Variants in NELL1 observed in about 807,000 individuals in gnomAD.
The protein encoded by NELL1 is protein kinase C-binding protein NELL1.
In NELL1, 76 loss-of-function variants were observed where a neutral mutation model predicts 107.4. That is an observed-to-expected ratio of 0.71 (90% confidence interval 0.59 to 0.86). The LOEUF (loss-of-function observed/expected upper bound fraction) is 0.86, where lower values mean the gene tolerates loss of function less well. Among genes scored for constraint, NELL1 ranks in the 40% least tolerant of loss-of-function variants. The probability of loss-of-function intolerance (pLI) is 0.00; values close to 1 mark genes in which losing one functional copy is unlikely to be tolerated. For missense variants in NELL1, 1,024 were observed against 1,005.5 expected, an observed-to-expected ratio of 1.02 and a Z score of -0.25; for synonymous variants, 353 against 341.2, an observed-to-expected ratio of 1.03 and a Z score of -0.38.
intron 15 of NELL1, among the ~76,000 whole-genome samples, chr11:21,521,644 A>C (rs888036783): frequency 6.6e-6 from 1 of 152,176 alleles, no homozygotes; most frequent in African/African-American, 2.4e-5. Context: ...AAAATTATAT[A>C]TCAATTGCTG....
chr11:21,506,074 G>C (rs1564929822), intron 15 of NELL1, among the ~76,000 whole-genome samples: 2 of 152,104 alleles, frequency 1.3e-5, no homozygotes, highest in Admixed American at 6.6e-5. Context: ...AATCATTCTA[G>C]TGTGTTTGTT....
chr11:21,126,545 C>T (rs1277181714), intron 13 of NELL1, among the ~76,000 whole-genome samples: 1 of 152,104 alleles, frequency 6.6e-6, no homozygotes, highest in Admixed American at 6.5e-5. Context: ...GTTTATAACA[C>T]CAAGAAAGAC....
At chr11:20,688,757 C>T (rs1225913239) in intron 2 of NELL1, among the ~76,000 whole-genome samples, 12 of 152,056 alleles carry the variant, frequency 7.9e-5, no homozygotes, top group Admixed American at 7.9e-4. Flanking sequence ...GTATTATATA[C>T]CCAGTGATGG....
Position 20,736,472 on chromosome 11 carries a change from A to T in NELL1, c.185-47208A>T, listed in dbSNP as rs17232764. On this transcript the variant is annotated intron_variant, in intron 2 of 19. Transcript: ENST00000357134. ...CCCAGCGTCAAAGCTGGCCCCTGTC[A>T]TCATGGTTTAGGATAATCTTTAAGT... is the stretch of plus-strand genomic sequence containing the variant. Among the ~76,000 whole-genome samples the T allele has an allele frequency of 7.9e-5, 12 of 152,068 alleles. No homozygotes were observed. The South Asian group carries it at 1.7e-3, about 21-fold the overall frequency.
At chr11:21,012,425 C>G (rs1237347742) in intron 12 of NELL1, among the ~76,000 whole-genome samples, 1 of 152,062 alleles carries the variant, frequency 6.6e-6, no homozygotes, top group Non-Finnish European at 1.5e-5. Flanking sequence ...AACCTGCTCA[C>G]CCCCATCCTG....
intron 15 of NELL1, among the ~76,000 whole-genome samples, chr11:21,515,950 G>A (rs1321995838): frequency 6.6e-6 from 1 of 152,166 alleles, no homozygotes; most frequent in African/African-American, 2.4e-5. Flanking sequence ...TTGCTTCTCA[G>A]TATTATTCAC....
intron 17 of NELL1, among the ~76,000 whole-genome samples, chr11:21,562,477 T>C (rs1308650171): frequency 6.6e-6 from 1 of 151,986 alleles, no homozygotes; most frequent in Non-Finnish European, 1.5e-5. Flanking sequence ...TTCCCAGAGG[T>C]TGTGGAGGGG....
intron 2 of NELL1, among the ~76,000 whole-genome samples, chr11:20,702,978 G>C (rs571180321): frequency 6.6e-6 from 1 of 152,064 alleles, no homozygotes; most frequent in Non-Finnish European, 1.5e-5. Context: ...CTCTTTTTTT[G>C]TTGTGTCTCT....
At chr11:20,928,521 A>T (rs745951950) in intron 9 of NELL1, 42 bp downstream of exon 9, 5 of 1,470,144 alleles carry the variant, frequency 3.4e-6, no homozygotes, top group African/African-American at 1.4e-5. Flanking sequence ...CTGTGTTTTG[A>T]GATTTATTTA....
intron 16 of NELL1, among the ~76,000 whole-genome samples, chr11:21,542,809 A>G (rs1856324133): frequency 6.6e-6 from 1 of 152,124 alleles, no homozygotes; most frequent in African/African-American, 2.4e-5. Flanking sequence ...TACAAAGATC[A>G]CATGTTCAAG....
At chr11:21,099,572 C>CA (rs1372858870) in intron 12 of NELL1, among the ~76,000 whole-genome samples, 1 of 151,836 alleles carries the variant, frequency 6.6e-6, no homozygotes, top group African/African-American at 2.4e-5. Context: ...TCCTTTGAAC[C>CA]AAAAAAATGA....
Position 21,500,912 on chromosome 11 carries a change from A to T in NELL1, c.1646-33462A>T, listed in dbSNP as rs76960076. Among the ~76,000 whole-genome samples the T allele has an allele frequency of 0.017, 2,552 of 152,118 alleles. 200 individuals carry two copies. In the East Asian group the frequency reaches 0.26, roughly 16 times the overall value. On this transcript the variant is annotated intron_variant, in intron 15 of 19. Transcript: ENST00000357134. ...GTAAGACTCAAACTCATATTTTCCA[A>T]CTTTTATTTCAGAATTGTTTTTTCC... is the stretch of plus-strand genomic sequence containing the variant.
At chr11:21,286,263 A>T (rs1849112636) in intron 14 of NELL1, among the ~76,000 whole-genome samples, 1 of 152,140 alleles carries the variant, frequency 6.6e-6, no homozygotes, top group Non-Finnish European at 1.5e-5. Flanking sequence ...ACTACCTGAA[A>T]CCCTATCTAG....
At chr11:21,369,049 C>T (rs916866705) in intron 14 of NELL1, among the ~76,000 whole-genome samples, 3 of 151,994 alleles carry the variant, frequency 2.0e-5, no homozygotes, top group South Asian at 2.1e-4. Context: ...CATATACCTA[C>T]GATGAAACAG....
At chr11:20,750,013 G>A (rs7110299) in intron 2 of NELL1, among the ~76,000 whole-genome samples, 5,353 of 152,112 alleles carry the variant, frequency 0.035, 305 homozygotes, top group African/African-American at 0.12. Context: ...ATAAGAAACC[G>A]CCAACGAGTT....
intron 3 of NELL1, among the ~76,000 whole-genome samples, chr11:20,801,504 T>C (rs995018788): frequency 6.6e-6 from 1 of 152,218 alleles, no homozygotes; most frequent in Non-Finnish European, 1.5e-5. Flanking sequence ...AGTTTGCAAA[T>C]ATTTTCTCCC....
At chr11:21,273,755 C>T (rs552249403) in intron 14 of NELL1, among the ~76,000 whole-genome samples, 1 of 152,298 alleles carries the variant, frequency 6.6e-6, no homozygotes, top group Non-Finnish European at 1.5e-5. Context: ...ATTCAACATT[C>T]TTAAAGAAAA....
chr11:21,345,244 C>T (rs1320548225), intron 14 of NELL1, among the ~76,000 whole-genome samples: 1 of 152,154 alleles, frequency 6.6e-6, no homozygotes, highest in Non-Finnish European at 1.5e-5. Flanking sequence ...TTTGAAGGAA[C>T]ACTGAACACC....
Position 20,910,611 on chromosome 11 carries a change from T to G in NELL1, c.604-7571T>G, listed in dbSNP as rs763552382. 3.3e-4 allele frequency among the ~76,000 whole-genome samples: 50 copies of G among 152,284 alleles called. No homozygotes were observed. In the Middle Eastern group the frequency reaches 0.01, roughly 31 times the overall value. On this transcript the variant is annotated intron_variant, in intron 5 of 19. Coordinates refer to ENST00000357134, the MANE Select transcript of NELL1 (RefSeq NM_006157.5). ...CTGCCCTGCTGTTGCCCTCTTCAAT[T>G]GTTTAGTAAATTTTGAACAAGGGAC...
Sources: gnomAD v4.1 joint callset for allele counts (sites outside exome capture counted in the v4.1 genomes callset) on GRCh38, gnomAD v4.1.1 for gene constraint, MANE v1.5 for transcripts, NCBI Gene and HGNC (gene_info 2026-07-23, HGNC 2026-07-21) for gene names.